TTLL8: variants seen among roughly 807,000 people sequenced by gnomAD.
TTLL8 encodes protein monoglycylase TTLL8.
TTLL8 carries 65 observed loss-of-function variants against 77.8 expected under a neutral mutation model. That is an observed-to-expected ratio of 0.84 (90% CI 0.68 to 1.03). The LOEUF (loss-of-function observed/expected upper bound fraction) is 1.03. Ranked by LOEUF, TTLL8 falls within the 50% of genes least tolerant of loss-of-function variation. The pLI is 0.00. For missense variants in TTLL8, 910 were observed against 1,004.5 expected (o/e 0.91, Z 1.27); for synonymous variants, 402 against 422.8 (o/e 0.95, Z 0.60).
rs376709091 is a variant in TTLL8, at chr22:50,045,232, T to C, written c.643+23A>G. On this transcript the variant is annotated intron_variant, in intron 6 of 13. Coordinates refer to ENST00000266182, the Ensembl canonical transcript of TTLL8. ...GCCCCGAGCTCTGGTGGCCTGGCAC[T>C]GCCCTGCCCCGGCCCAGCGCACCTT... 8.5e-5 allele frequency: 115 copies of C among 1,345,686 alleles called. 3 individuals are homozygous for C. Among genetic ancestry groups the C allele is most frequent in the Non-Finnish European group, 9.2e-5 (94 of 1,018,674 alleles). The allele number at this position is 1,345,686 out of a possible 1,614,324, so 83.4% of individuals were successfully genotyped here. A position where few individuals can be genotyped will look rare whatever the true frequency, so the allele number is the denominator to read the frequency against.
Position 50,023,770 on chromosome 22 carries a change from C to T in TTLL8, c.2203+6660G>A, listed in dbSNP as rs12162653. On this transcript the variant is annotated intron_variant, in intron 12 of 13. Coordinates refer to ENST00000266182, the Ensembl canonical transcript of TTLL8. ...GTGCGGTGGCTCACGCCTGTAATCC[C>T]GGCACTTTGGGAGGCCGAGGTGGGC... Among the ~76,000 whole-genome samples the T allele has an allele frequency of 2.5e-3, 381 of 152,016 alleles. 4 individuals are homozygous for T. Among genetic ancestry groups the T allele is most frequent in the Admixed American group, 0.017 (260 of 15,278 alleles).
chr22:50,038,725 T>C (rs1055805897), intron 8 of TTLL8, among the ~76,000 whole-genome samples: 25 of 152,072 alleles, frequency 1.6e-4, no homozygotes, highest in African/African-American at 5.8e-4. Flanking sequence ...GGTGGAAAGA[T>C]TGCTTGAGCC....
At chr22:50,045,311 C>T (rs770938058) in exon 6 of TTLL8, 2 of 1,364,344 alleles carry the variant, frequency 1.5e-6, no homozygotes, top group African/African-American at 1.5e-5. Flanking sequence ...CCTGGGCTTG[C>T]TTCTGCTGCT....
intron 11 of TTLL8, 82 bp downstream of exon 12, chr22:50,031,604 T>C: frequency 1.7e-6 from 2 of 1,200,206 alleles, no homozygotes; most frequent in Non-Finnish European, 2.1e-6. Flanking sequence ...GGCCTGCAGC[T>C]CCACCCTCGC....
intron 1 of TTLL8, among the ~76,000 whole-genome samples, chr22:50,051,840 C>G (rs1344716907): frequency 6.6e-6 from 1 of 152,086 alleles, no homozygotes; most frequent in East Asian, 1.9e-4. Flanking sequence ...TATTTTAAGT[C>G]AAGGAATTGA....
At chr22:50,019,570 T>TCAAG (rs149766743) in intron 12 of TTLL8, among the ~76,000 whole-genome samples, 4,098 of 152,262 alleles carry the variant, frequency 0.027, 66 homozygotes, top group South Asian at 0.052. Flanking sequence ...GTGAGGACAC[T>TCAAG]CAGCCCTGTG....
intron 6 of TTLL8, 26 bp downstream of exon 8, chr22:50,045,229 C>T (rs769103196): frequency 7.4e-7 from 1 of 1,344,080 alleles, no homozygotes; most frequent in South Asian, 1.2e-5. Context: ...GGTGGCCTGG[C>T]ACTGCCCTGC....
intron 12 of TTLL8, among the ~76,000 whole-genome samples, chr22:50,028,236 G>T (rs569374512): frequency 7.9e-5 from 12 of 152,352 alleles, no homozygotes; most frequent in African/African-American, 2.9e-4. Flanking sequence ...CTTCAGCATG[G>T]TAATTTGGCA....
intron 12 of TTLL8, among the ~76,000 whole-genome samples, chr22:50,024,512 G>A (rs941817608): frequency 3.3e-5 from 5 of 152,204 alleles, no homozygotes; most frequent in African/African-American, 1.2e-4. Context: ...ATTCCTTCAA[G>A]AGAGTATATT....
intron 12 of TTLL8, chr22:50,027,762 C>T: frequency 3.0e-6 from 3 of 985,466 alleles, no homozygotes; most frequent in Non-Finnish European, 3.6e-6. Flanking sequence ...ACGGAACAAA[C>T]ACACACCAGG....
chr22:50,031,988 G>A lies in TTLL8; in HGVS notation c.1405C>T (p.Gln469Ter). 7.3e-7 allele frequency: 1 copy of A among 1,366,708 alleles called. No individual in the cohort carries two copies. The highest frequency in any genetic ancestry group is 1.1e-5 in the South Asian group (1 of 88,058). The allele number at this position is 1,366,708 out of a possible 1,614,324, so 84.7% of individuals were successfully genotyped here. A position where few individuals can be genotyped will look rare whatever the true frequency, so the allele number is the denominator to read the frequency against. ...CTGCCCCACACGGCGCCACGGCCCT[G>A]GCGCTGCAGGTACTCCTGGAACCTG... The change falls in exon 11 of 14, where the codon CAG (glutamine) becomes TAG (stop). Residue 469 changes from glutamine (Q) to a stop codon, truncating the protein, a stop_gained. Transcript: ENST00000266182. LOFTEE classifies it high-confidence loss of function.
chr22:50,037,363 G>A (rs2061344006), intron 8 of TTLL8, among the ~76,000 whole-genome samples: 1 of 151,878 alleles, frequency 6.6e-6, no homozygotes, highest in Non-Finnish European at 1.5e-5. Context: ...ACGCACCACC[G>A]CGCCCAGCTA....
At position 50,051,899 on chromosome 22, in the gene TTLL8, A is replaced by G. The variant is rs117043484; in HGVS notation, c.52-1652T>C. Reference sequence around the variant, plus strand: ...TAAGAGGAGTTTTCAAAGCAGAAGGAGACAAACTGTGCTCTGGCAGGAAGA... The same window carrying G: ...TAAGAGGAGTTTTCAAAGCAGAAGGGGACAAACTGTGCTCTGGCAGGAAGA... On this transcript the variant is annotated intron_variant, in intron 1 of 13. Transcript: ENST00000266182. Among the ~76,000 whole-genome samples the G allele has an allele frequency of 9.2e-5, 14 of 152,302 alleles. No homozygotes were observed. In the East Asian group the frequency reaches 2.5e-3, roughly 27 times the overall value.
At chr22:50,022,410 T>G (rs1713472653) in intron 12 of TTLL8, among the ~76,000 whole-genome samples, 1 of 148,618 alleles carries the variant, frequency 6.7e-6, no homozygotes, top group South Asian at 2.1e-4. Context: ...CCATCTGACA[T>G]GCACTCCTCC....
chr22:50,031,558 AG>A (rs2061293014), intron 11 of TTLL8, 127 bp downstream of exon 12: 5 of 1,186,160 alleles, frequency 4.2e-6, no homozygotes, highest in Non-Finnish European at 5.3e-6. Context: ...GTCACAGAGC[AG>A]GATCGGTGTC....
chr22:50,033,016 G>T (rs958154015), intron 10 of TTLL8, 186 bp downstream of exon 11: 27 of 479,250 alleles, frequency 5.6e-5, no homozygotes, highest in Non-Finnish European at 6.8e-5. Context: ...AGGCCGGTGG[G>T]CCTGGGCCTG....
chr22:50,020,269 C>CGTGCACTCCTCCTTCTGAT (rs2061186706), intron 12 of TTLL8, among the ~76,000 whole-genome samples: 1 of 120,416 alleles, frequency 8.3e-6, no homozygotes, highest in Admixed American at 8.5e-5. Context: ...CTCCATCTGA[C>CGTGCACTCCTCCTTCTGAT]GTGCACTCCT....
chr22:50,049,386 C>G, intron 2 of TTLL8, 64 bp from the exon 5 acceptor site: 1 of 1,359,872 alleles, frequency 7.4e-7, no homozygotes, highest in Non-Finnish European at 9.8e-7. Flanking sequence ...GCACCGGGTC[C>G]GTTACCACAA....
At chr22:50,052,605 G>C (rs2146699993) in intron 1 of TTLL8, among the ~76,000 whole-genome samples, 1 of 152,342 alleles carries the variant, frequency 6.6e-6, no homozygotes, top group East Asian at 1.9e-4. Context: ...TAGGTATACA[G>C]ATGATGGGGT....
Sources: allele counts gnomAD v4.1 joint callset (sites outside exome capture counted in the v4.1 genomes callset), GRCh38; gene constraint gnomAD v4.1.1; transcripts MANE v1.5; gene names NCBI Gene and HGNC (gene_info 2026-07-23, HGNC 2026-07-21).